LRRTM4: variants seen among roughly 807,000 people sequenced by gnomAD.
LRRTM4 encodes the protein leucine rich repeat transmembrane neuronal 4.
Under a neutral mutation model 47.6 loss-of-function variants are expected in LRRTM4, and 25 were observed. The observed-to-expected ratio is 0.53, with a 90% CI of 0.38 to 0.73. LRRTM4 has a LOEUF of 0.73. LRRTM4 is among the 30% of genes least tolerant of loss of function. The pLI is 0.00. For missense variants in LRRTM4, 638 were observed against 713.4 expected (o/e 0.89, Z 1.20); for synonymous variants, 311 against 269.5 (o/e 1.15, Z -1.51).
At chr2:77,027,495 G>A (rs923052197) in intron 3 of LRRTM4, among the ~76,000 whole-genome samples, 1 of 152,156 alleles carries the variant, frequency 6.6e-6, no homozygotes, top group African/African-American at 2.4e-5. Context: ...AATAGAATGA[G>A]TGAGTAGCCA....
intron 3 of LRRTM4, among the ~76,000 whole-genome samples, chr2:77,487,416 T>G (rs918535881): frequency 1.3e-5 from 2 of 152,212 alleles, no homozygotes; most frequent in African/African-American, 4.8e-5. Flanking sequence ...GCTGGGTGTG[T>G]GTACGCTTGG....
At chr2:77,419,012 G>T (rs114834631) in intron 3 of LRRTM4, among the ~76,000 whole-genome samples, 6 of 152,180 alleles carry the variant, frequency 3.9e-5, no homozygotes, top group African/African-American at 1.4e-4. Flanking sequence ...GTTTCTGCTA[G>T]ATTATAAGTT....
Position 77,276,844 on chromosome 2 carries a change from G to A in LRRTM4, c.1551+241474C>T, listed in dbSNP as rs141646363. On this transcript the variant is annotated intron_variant, in intron 3 of 3. Transcript: ENST00000409884. ...GAAACTGAAACTTTTGTCTTCTAGC[G>A]TTCAGAAGACAGGAGAGCTTCATCT... 7.3e-5 allele frequency among the ~76,000 whole-genome samples: 11 copies of A among 151,002 alleles called. No individual in the cohort carries two copies. The East Asian group carries it at 7.8e-4, about 11-fold the overall frequency.
chr2:77,067,042 C>T (rs1228268236), intron 3 of LRRTM4, among the ~76,000 whole-genome samples: 1 of 152,106 alleles, frequency 6.6e-6, no homozygotes, highest in Non-Finnish European at 1.5e-5. Context: ...TCTGACACTC[C>T]GTTAGAATTA....
At chr2:77,273,003 T>A (rs903365290) in intron 3 of LRRTM4, among the ~76,000 whole-genome samples, 5 of 152,224 alleles carry the variant, frequency 3.3e-5, no homozygotes, top group African/African-American at 7.2e-5. Flanking sequence ...GAAATTTTGA[T>A]GGCAGTACTT....
intron 3 of LRRTM4, among the ~76,000 whole-genome samples, chr2:77,095,497 C>A (rs1027031537): frequency 2.8e-5 from 4 of 144,892 alleles, no homozygotes; most frequent in Admixed American, 2.1e-4. Context: ...ATATGAAATA[C>A]CATATGCAAA....
intron 3 of LRRTM4, among the ~76,000 whole-genome samples, chr2:77,458,851 C>T (rs1676667216): frequency 2.0e-5 from 3 of 151,068 alleles, no homozygotes; most frequent in South Asian, 4.2e-4. Context: ...AAAAATGAGG[C>T]AGAAATTTTA....
intron 3 of LRRTM4, among the ~76,000 whole-genome samples, chr2:76,846,194 G>A (rs906465616): frequency 6.6e-6 from 1 of 151,994 alleles, no homozygotes; most frequent in African/African-American, 2.4e-5. Context: ...CCAAAACGGG[G>A]AGTTGCAGAG....
intron 3 of LRRTM4, among the ~76,000 whole-genome samples, chr2:77,306,490 T>A (rs967138374): frequency 2.6e-5 from 4 of 152,194 alleles, no homozygotes; most frequent in Non-Finnish European, 4.4e-5. Flanking sequence ...AGCAGACATA[T>A]CCCAAAATGT....
intron 3 of LRRTM4, among the ~76,000 whole-genome samples, chr2:76,977,900 C>T (rs988356401): frequency 6.6e-6 from 1 of 151,932 alleles, no homozygotes; most frequent in Non-Finnish European, 1.5e-5. Context: ...AGTGGGATGT[C>T]CTTTTTTGAT....
intron 3 of LRRTM4, among the ~76,000 whole-genome samples, chr2:76,928,458 C>T (rs919316403): frequency 6.6e-6 from 1 of 152,062 alleles, no homozygotes; most frequent in African/African-American, 2.4e-5. Context: ...ATGGGCCTGA[C>T]CACTATCCAC....
At chr2:77,257,191 T>C (rs1203851727) in intron 3 of LRRTM4, among the ~76,000 whole-genome samples, 2 of 152,018 alleles carry the variant, frequency 1.3e-5, no homozygotes, top group Non-Finnish European at 2.9e-5. Context: ...GCTAACGTCA[T>C]AGTTAATGGT....
intron 3 of LRRTM4, among the ~76,000 whole-genome samples, chr2:77,124,274 G>A (rs1671598620): frequency 6.6e-6 from 1 of 152,080 alleles, no homozygotes; most frequent in African/African-American, 2.4e-5. Context: ...GATAGAATGT[G>A]GAAGTGGCCT....
chr2:77,082,781 T>A (rs1401769375), intron 3 of LRRTM4, among the ~76,000 whole-genome samples: 1 of 152,112 alleles, frequency 6.6e-6, no homozygotes, highest in African/African-American at 2.4e-5. Context: ...AACAAGTATT[T>A]CTTTCTATGA....
At chr2:76,763,280 C>A (rs1055733031) in intron 3 of LRRTM4, among the ~76,000 whole-genome samples, 9 of 152,104 alleles carry the variant, frequency 5.9e-5, no homozygotes, top group African/African-American at 1.7e-4. Flanking sequence ...TTTTTTAAAG[C>A]CTTCATCTCA....
intron 3 of LRRTM4, among the ~76,000 whole-genome samples, chr2:77,319,670 A>T (rs903688921): frequency 1.3e-5 from 2 of 152,198 alleles, no homozygotes; most frequent in African/African-American, 4.8e-5. Context: ...AGGCTTACAC[A>T]ATTTCTCAAA....
At chr2:76,817,927 A>G (rs1670947617) in intron 3 of LRRTM4, among the ~76,000 whole-genome samples, 3 of 151,952 alleles carry the variant, frequency 2.0e-5, no homozygotes, top group African/African-American at 7.2e-5. Context: ...CATAAAGCAT[A>G]TCATAATTCA....
chr2:76,781,945 TA>T (rs1325923256), intron 3 of LRRTM4, among the ~76,000 whole-genome samples: 1 of 152,206 alleles, frequency 6.6e-6, no homozygotes, highest in Non-Finnish European at 1.5e-5. Flanking sequence ...GCTGTTATAT[TA>T]TCTTGACATT....
chr2:77,428,487 T>C (rs1018729792), intron 3 of LRRTM4, among the ~76,000 whole-genome samples: 10 of 152,322 alleles, frequency 6.6e-5, no homozygotes, highest in African/African-American at 2.2e-4. Flanking sequence ...ACTGGCCCTG[T>C]TCCATAATTT....
Sources: gnomAD v4.1 joint callset for allele counts (sites outside exome capture counted in the v4.1 genomes callset) on GRCh38, gnomAD v4.1.1 for gene constraint, MANE v1.5 for transcripts, NCBI Gene and HGNC (gene_info 2026-07-23, HGNC 2026-07-21) for gene names.